MACROD2: variants seen among roughly 807,000 people sequenced by gnomAD.
MACROD2 encodes the protein mono-ADP ribosylhydrolase 2, also known as ADP-ribose glycohydrolase MACROD2.
Under a neutral mutation model 70.4 loss-of-function variants are expected in MACROD2, and 36 were observed. The ratio of observed to expected loss-of-function variants is 0.51; its 90% CI spans 0.39 to 0.68. MACROD2 has a LOEUF of 0.68. Among genes scored for constraint, MACROD2 ranks in the 30% least tolerant of loss-of-function variants. The pLI, the probability that MACROD2 is intolerant of heterozygous loss-of-function variation, is 0.00. For missense variants in MACROD2, 496 were observed against 538.4 expected (o/e 0.92, Z 0.78); for synonymous variants, 172 against 178.8 (o/e 0.96, Z 0.30).
At chr20:15,550,546 C>CT (rs2048081672) in intron 8 of MACROD2, among the ~76,000 whole-genome samples, 1 of 151,974 alleles carries the variant, frequency 6.6e-6, no homozygotes, top group Admixed American at 6.6e-5. Context: ...TATTGTATCA[C>CT]TTTTTTATTC....
At chr20:14,175,968 T>C (rs1338833642) in intron 3 of MACROD2, among the ~76,000 whole-genome samples, 1 of 152,218 alleles carries the variant, frequency 6.6e-6, no homozygotes, top group African/African-American at 2.4e-5. Context: ...TTTCATGCAT[T>C]ACTTATTAAA....
intron 15 of MACROD2, among the ~76,000 whole-genome samples, chr20:16,039,244 A>C (rs574151468): frequency 9.2e-5 from 14 of 152,118 alleles, no homozygotes; most frequent in African/African-American, 3.4e-4. Flanking sequence ...GAATCATTAC[A>C]GTCCACCTTA....
At chr20:15,024,486 T>A (rs1376625066) in intron 5 of MACROD2, among the ~76,000 whole-genome samples, 1 of 148,432 alleles carries the variant, frequency 6.7e-6, no homozygotes, top group African/African-American at 2.5e-5. Flanking sequence ...AATTTTCGAG[T>A]GATTTGTAGG....
intron 3 of MACROD2, among the ~76,000 whole-genome samples, chr20:14,475,627 A>C (rs1029796903): frequency 1.3e-5 from 2 of 151,616 alleles, no homozygotes; most frequent in Non-Finnish European, 2.9e-5. Context: ...GAAGGTCTTT[A>C]TCTCTCCTTC....
At chr20:14,093,994 T>C (rs2423777) in intron 3 of MACROD2, among the ~76,000 whole-genome samples, 1 of 149,512 alleles carries the variant, frequency 6.7e-6, no homozygotes, top group Non-Finnish European at 1.5e-5. Context: ...TTTTTTAAAA[T>C]TTTTTTTTTA....
chr20:14,619,688 G>A (rs1313140162), intron 4 of MACROD2, among the ~76,000 whole-genome samples: 1 of 152,024 alleles, frequency 6.6e-6, no homozygotes, highest in African/African-American at 2.4e-5. Flanking sequence ...TTGATAATGA[G>A]GTGTTTCATC....
chr20:14,049,014 A>G (rs2259845), intron 2 of MACROD2, among the ~76,000 whole-genome samples: 31,871 of 151,930 alleles, frequency 0.21, 3,800 homozygotes, highest in African/African-American at 0.33. Context: ...AAGAGCTTCT[A>G]TGCACAGGAA....
At chr20:14,041,139 T>C (rs1232005889) in intron 2 of MACROD2, among the ~76,000 whole-genome samples, 1 of 152,226 alleles carries the variant, frequency 6.6e-6, no homozygotes, top group African/African-American at 2.4e-5. Context: ...CTATGTAGAT[T>C]GCAAATTTTT....
At chr20:15,785,069 G>A (rs1294193258) in intron 8 of MACROD2, among the ~76,000 whole-genome samples, 3 of 151,052 alleles carry the variant, frequency 2.0e-5, no homozygotes, top group African/African-American at 4.9e-5. Context: ...GGAGAATGGC[G>A]TGAACCCGGG....
intron 5 of MACROD2, among the ~76,000 whole-genome samples, chr20:14,817,726 C>G (rs934663334): frequency 6.6e-6 from 1 of 152,048 alleles, no homozygotes; most frequent in Non-Finnish European, 1.5e-5. Context: ...CTGAGAGAAG[C>G]CTTGGAAATG....
intron 12 of MACROD2, among the ~76,000 whole-genome samples, chr20:15,946,235 C>T (rs953126272): frequency 1.3e-5 from 2 of 152,208 alleles, no homozygotes; most frequent in Non-Finnish European, 2.9e-5. Flanking sequence ...ATTCTGCCCT[C>T]ACGCTGTCAC....
At chr20:15,747,312 C>T (rs115329476) in intron 8 of MACROD2, among the ~76,000 whole-genome samples, 1,580 of 152,228 alleles carry the variant, frequency 0.01, 35 homozygotes, top group African/African-American at 0.036. Context: ...TCAAAGACTG[C>T]AGTGCATTGG....
chr20:15,117,240 A>G (rs1274864600), intron 5 of MACROD2, among the ~76,000 whole-genome samples: 1 of 152,212 alleles, frequency 6.6e-6, no homozygotes, highest in East Asian at 1.9e-4. Context: ...TGAAGAGTAG[A>G]TTTTTGAAAG....
chr20:14,411,159 G>A (rs1332143539), intron 3 of MACROD2, among the ~76,000 whole-genome samples: 1 of 152,154 alleles, frequency 6.6e-6, no homozygotes, highest in Non-Finnish European at 1.5e-5. Flanking sequence ...AAAAGGTACT[G>A]TGTTCTTTCT....
chr20:15,989,221 A>G (rs868112845), intron 15 of MACROD2, among the ~76,000 whole-genome samples: 16 of 152,308 alleles, frequency 1.1e-4, no homozygotes, highest in Middle Eastern at 6.8e-3. Context: ...CCCCAAGTCC[A>G]TTTATCATTC....
intron 2 of MACROD2, among the ~76,000 whole-genome samples, chr20:14,062,649 C>T (rs2053703965): frequency 6.6e-6 from 1 of 152,070 alleles, no homozygotes; most frequent in Non-Finnish European, 1.5e-5. Context: ...ATTTATTTTA[C>T]TGTTTAACTT....
rs533770409 is a variant in MACROD2, at chr20:15,020,909, A to G, written c.419-209031A>G. Among the ~76,000 whole-genome samples, 11 of 151,274 alleles carry G rather than the reference A, an allele frequency of 7.3e-5. No individual in the cohort carries two copies. The East Asian group carries it at 2.0e-3, about 27-fold the overall frequency. ...CTGACACTCTGGAAAAGGGAAAACT[A>G]TAGGAGACTATATACACATATATAT... On this transcript the variant is annotated intron_variant, in intron 5 of 17. Coordinates refer to ENST00000684519, the MANE Select transcript of MACROD2 (RefSeq NM_001351661.2).
chr20:16,020,683 C>T (rs775103), intron 15 of MACROD2, among the ~76,000 whole-genome samples: 36,190 of 150,798 alleles, frequency 0.24, 4,479 homozygotes, highest in South Asian at 0.31. Flanking sequence ...AACGAATTCA[C>T]TCTTCCTTAA....
intron 3 of MACROD2, among the ~76,000 whole-genome samples, chr20:14,480,847 TTTTATACTTACAGTCGA>T (rs2084655034): frequency 6.6e-6 from 1 of 152,172 alleles, no homozygotes; most frequent in Non-Finnish European, 1.5e-5. Flanking sequence ...GAGATGACTA[TTTTATACTTACAGTCGA>T]TATAAATATA....
Sources: allele counts gnomAD v4.1 joint callset (sites outside exome capture counted in the v4.1 genomes callset), GRCh38; gene constraint gnomAD v4.1.1; transcripts MANE v1.5; gene names NCBI Gene and HGNC (gene_info 2026-07-23, HGNC 2026-07-21).